The following ZNF730 variants were observed in gnomAD, a reference collection of about 807,000 sequenced individuals.
The protein encoded by ZNF730 is putative zinc finger protein 730.
In ZNF730, 12 loss-of-function variants were observed where a neutral mutation model predicts 12.6. The observed-to-expected ratio is 0.95, with a 90% confidence interval of 0.61 to 1.54. The LOEUF (loss-of-function observed/expected upper bound fraction) is 1.54. ZNF730 is among the 40% of genes most tolerant of loss of function. The pLI, the probability that ZNF730 is intolerant of heterozygous loss-of-function variation, is 0.00. For missense variants in ZNF730, 643 were observed against 583.5 expected (o/e 1.10, Z -1.05); for synonymous variants, 194 against 195.8 (o/e 0.99, Z 0.08).
At chr19:23,127,974 C>T in intron 1 of ZNF730, 1 of 731,306 alleles carries the variant, frequency 1.4e-6, no homozygotes, top group Non-Finnish European at 2.5e-6. Flanking sequence ...TGCTGGCCTG[C>T]AGGCTCCTCA....
intron 1 of ZNF730, among the ~76,000 whole-genome samples, chr19:23,105,098 C>T (rs1396542075): frequency 6.7e-6 from 1 of 149,630 alleles, no homozygotes; most frequent in African/African-American, 2.4e-5. Flanking sequence ...CAACTCAGTC[C>T]TGTTATGATT....
At chr19:23,076,878 C>T (rs1296738173) in intron 1 of ZNF730, among the ~76,000 whole-genome samples, 4 of 152,046 alleles carry the variant, frequency 2.6e-5, no homozygotes, top group African/African-American at 9.7e-5. Flanking sequence ...TATAAAGACA[C>T]GTGCATGTGT....
chr19:23,099,447 A>G lies in ZNF730; in HGVS notation c.-94+24060A>G, dbSNP rs141778521. 3.3e-5 allele frequency among the ~76,000 whole-genome samples: 5 copies of G among 152,328 alleles called. No individual in the cohort carries two copies. In the East Asian group the frequency reaches 9.7e-4, roughly 29 times the overall value. ...CATATTCACAACCAGTCAACAGTAG[A>G]GATTGTCATCTGCTTAAATAAACAC... On this transcript the variant is annotated intron_variant, in intron 1 of 2. Transcript: ENST00000593635.
Position 23,128,102 on chromosome 19 carries a change from A to G in ZNF730, c.4-5978A>G, listed in dbSNP as rs569263028. 560 of 853,830 alleles carry G rather than the reference A, an allele frequency of 6.6e-4. 2 individuals carry two copies. The African/African-American group carries it at 6.8e-3, about 10-fold the overall frequency. 52.9% of individuals were successfully genotyped at this position (853,830 alleles called of 1,614,324 possible). ...GGTCAGCCAAGTGCCTTCACCTGCT[A>G]TTTGGATGTAGGCCTTGCCAGAACT... On this transcript the variant is annotated intron_variant, in intron 1 of 3. Coordinates refer to ENST00000597761, the MANE Select transcript of ZNF730 (RefSeq NM_001277403.2).
At chr19:23,083,746 G>A (rs1970009393) in intron 1 of ZNF730, among the ~76,000 whole-genome samples, 1 of 151,770 alleles carries the variant, frequency 6.6e-6, no homozygotes, top group Non-Finnish European at 1.5e-5. Context: ...TACCTGTTAA[G>A]ATCTACATAT....
At position 23,145,664 on chromosome 19, in the gene ZNF730, G is replaced by A. The variant is rs1162143555; in HGVS notation, c.620G>A (p.Gly207Asp). The A allele has an allele frequency of 1.9e-6, 3 of 1,556,512 alleles. No individual in the cohort carries two copies. The highest frequency in any genetic ancestry group is 2.4e-5 in the East Asian group (1 of 41,806). The change falls in exon 4 of 4, where the codon GGC becomes GAC. Residue 207 changes from glycine to aspartate, a missense_variant. Gly to Asp is a moderately conservative substitution (Grantham distance 94). Coordinates refer to ENST00000597761, the MANE Select transcript of ZNF730 (RefSeq NM_001277403.2). ...AAATCCTACAAATGTGAAGAATATG[G>A]CAAAGCCTTTAATGAGTCCTCAAAC... ...GEKSYKCEEY[G>D]KAFNESSNCT... is the part of the protein sequence containing the mutation.
Position 23,079,166 on chromosome 19 carries a change from G to T in ZNF730, c.-94+3779G>T, listed in dbSNP as rs116041190. On this transcript the variant is annotated intron_variant, in intron 1 of 2. Transcript: ENST00000593635. ...TTGTTTATGACACAATTTTTTCTAG[G>T]TTTTCAATAAGGCAGAGTTTTGCTC... Among the ~76,000 whole-genome samples, 484 of 151,728 alleles carry T rather than the reference G, an allele frequency of 3.2e-3. 4 individuals carry two copies. Among genetic ancestry groups the T allele is most frequent in the African/African-American group, 9.0e-3 (371 of 41,360 alleles).
chr19:23,116,834 A>T, upstream of ZNF730: 1 of 462,914 alleles, frequency 2.2e-6, no homozygotes, highest in Non-Finnish European at 3.9e-6. Flanking sequence ...CAGTTCAGGG[A>T]GGAAGTCCTG....
chr19:23,144,341 T>A (rs565043239), intron 3 of ZNF730: 24 of 152,240 alleles, frequency 1.6e-4, no homozygotes, highest in African/African-American at 5.8e-4. Context: ...CTCACACATG[T>A]TCTTAAAATG....
chr19:23,134,369 C>A (rs1244220812), intron 2 of ZNF730, among the ~76,000 whole-genome samples, 163 bp downstream of exon 2: 4 of 150,896 alleles, frequency 2.7e-5, no homozygotes, highest in Non-Finnish European at 4.4e-5. Flanking sequence ...GCCAGCCGCC[C>A]CGTCCGGGAG....
chr19:23,120,010 T>TTTTC (rs1970579820), intron 1 of ZNF730, among the ~76,000 whole-genome samples: 1 of 149,886 alleles, frequency 6.7e-6, no homozygotes, highest in Admixed American at 6.6e-5. Flanking sequence ...TTTTTTTTTT[T>TTTTC]CTCAGGCAGA....
chr19:23,093,472 C>T (rs1970192128), intron 1 of ZNF730, among the ~76,000 whole-genome samples: 1 of 152,144 alleles, frequency 6.6e-6, no homozygotes, highest in Admixed American at 6.5e-5. Flanking sequence ...GGTGGGTGCC[C>T]CTGCTGTGGG....
At position 23,146,706 on chromosome 19, in the gene ZNF730, T is replaced by C. The variant is rs918592955; in HGVS notation, c.*150T>C. 7.8e-6 allele frequency: 11 copies of C among 1,418,298 alleles called. No homozygotes were observed. The highest frequency in any genetic ancestry group is 2.8e-5 in the African/African-American group (2 of 71,010). 87.9% of individuals were successfully genotyped at this position (1,418,298 alleles called of 1,614,324 possible). On this transcript the variant is annotated 3_prime_UTR_variant, in exon 4 of 4. Transcript: ENST00000597761. ...ATCTTACTAAACATAAGGTAATTCA[T>C]ACTGGAGAAAAACCTACAAATGTGA...
chr19:23,082,919 G>A (rs958824029), intron 1 of ZNF730, among the ~76,000 whole-genome samples: 3 of 151,954 alleles, frequency 2.0e-5, no homozygotes, highest in East Asian at 1.9e-4. Context: ...GGCTGGTCTC[G>A]AACTCCTGAC....
In ZNF730 at chr19:23,126,650, C is replaced by T. The variant is rs892177251; in HGVS notation, c.4-7430C>T. 1.8e-4 allele frequency: 87 copies of T among 488,178 alleles called. No homozygotes were observed. In the Admixed American group the frequency reaches 2.1e-3, roughly 12 times the overall value. The allele number at this position is 488,178 out of a possible 1,614,324, so 30.2% of individuals were successfully genotyped here. On this transcript the variant is annotated intron_variant, in intron 1 of 3. Transcript: ENST00000597761. ...TTGCATGCTTCAGTTCTAACTCTGC[C>T]AGTTCCACTAGTTTTTTTTTTTTTC...
intron 1 of ZNF730, among the ~76,000 whole-genome samples, chr19:23,081,432 G>T (rs989646003): frequency 6.6e-6 from 1 of 152,086 alleles, no homozygotes; most frequent in African/African-American, 2.4e-5. Flanking sequence ...CGATTCTCCT[G>T]CCTCAGCCTT....
At chr19:23,081,552 C>T (rs1192725558) in intron 1 of ZNF730, among the ~76,000 whole-genome samples, 66 of 151,700 alleles carry the variant, frequency 4.4e-4, no homozygotes, top group Admixed American at 6.6e-4. Context: ...ATTCCTGACC[C>T]CAGGTGATCC....
chr19:23,143,131 C>T (rs1330736255), intron 3 of ZNF730, among the ~76,000 whole-genome samples: 1 of 152,060 alleles, frequency 6.6e-6, no homozygotes, highest in African/African-American at 2.4e-5. Context: ...GTAGCCCCAG[C>T]TACTCAGGAG....
chr19:23,116,335 T>TCTTC (rs1568310181), upstream of ZNF730, among the ~76,000 whole-genome samples: 4 of 148,104 alleles, frequency 2.7e-5, no homozygotes, highest in African/African-American at 1.0e-4. Flanking sequence ...TTTCTTTCTT[T>TCTTC]CCTTTCTTTC....
Sources: gnomAD v4.1 joint callset for allele counts (sites outside exome capture counted in the v4.1 genomes callset) on GRCh38, gnomAD v4.1.1 for gene constraint, MANE v1.5 for transcripts, NCBI Gene and HGNC (gene_info 2026-07-23, HGNC 2026-07-21) for gene names.